Variants in CEP83 observed in about 807,000 individuals in gnomAD.
The protein encoded by CEP83 is centrosomal protein 83.
Under a neutral mutation model 101.9 loss-of-function variants are expected in CEP83, and 70 were observed. The ratio of observed to expected loss-of-function variants is 0.69; its 90% CI spans 0.57 to 0.84. The LOEUF (loss-of-function observed/expected upper bound fraction) is 0.84, where lower values mean the gene tolerates loss of function less well. CEP83 is among the 40% of genes least tolerant of loss of function. The pLI is 0.00. For synonymous variants in CEP83, 264 were observed against 267.9 expected (o/e 0.99, Z 0.14); for missense variants, 715 against 787.2 (o/e 0.91, Z 1.10).
chr12:94,437,359 A>C (rs940571110), intron 1 of CEP83, among the ~76,000 whole-genome samples: 30 of 152,162 alleles, frequency 2.0e-4, no homozygotes, highest in African/African-American at 6.5e-4. Context: ...ACATACACAC[A>C]CACAAACAAA....
chr12:94,305,550 C>A (rs1968917322), downstream of CEP83: 1 of 383,984 alleles, frequency 2.6e-6, no homozygotes, highest in Non-Finnish European at 4.7e-6. Flanking sequence ...GAATACAAGG[C>A]CAGTAAGCGA....
At chr12:94,331,925 AC>A in intron 13 of CEP83, 96 bp from the exon 14 acceptor site, 1 of 1,125,878 alleles carries the variant, frequency 8.9e-7, no homozygotes, top group Non-Finnish European at 1.3e-6. Flanking sequence ...TACCTGTCTG[AC>A]CACATTCTTA....
chr12:94,440,910 A>C (rs2066353025), intron 1 of CEP83, among the ~76,000 whole-genome samples: 1 of 152,182 alleles, frequency 6.6e-6, no homozygotes, highest in African/African-American at 2.4e-5. Flanking sequence ...TGACAAAGCA[A>C]ACAAAAACAT....
intron 2 of CEP83, among the ~76,000 whole-genome samples, chr12:94,413,825 TACACAC>T (rs56372938): frequency 0.034 from 4,706 of 140,444 alleles, 74 homozygotes; most frequent in East Asian, 0.076. Flanking sequence ...CCATAATACA[TACACAC>T]ACACACACAC....
At chr12:94,384,093 T>A (rs1393543721) in intron 6 of CEP83, among the ~76,000 whole-genome samples, 2 of 152,132 alleles carry the variant, frequency 1.3e-5, no homozygotes, top group Non-Finnish European at 2.9e-5. Flanking sequence ...TTTTTACTGT[T>A]TTCTTCCTAT....
At chr12:94,310,215 TATATA>T (rs1209412204) in intron 15 of CEP83, 108 bp from the exon 16 acceptor site, 2 of 392,384 alleles carry the variant, frequency 5.1e-6, no homozygotes, top group African/African-American at 4.1e-5. Context: ...ATGAGATCTA[TATATA>T]ATATATAGAT....
At chr12:94,373,739 A>T (rs976097188) in intron 8 of CEP83, among the ~76,000 whole-genome samples, 1 of 152,218 alleles carries the variant, frequency 6.6e-6, no homozygotes, top group African/African-American at 2.4e-5. Flanking sequence ...ACACTGACAT[A>T]ACTTTGTTCT....
At chr12:94,351,790 C>T (rs890780903) in intron 11 of CEP83, among the ~76,000 whole-genome samples, 1 of 152,214 alleles carries the variant, frequency 6.6e-6, no homozygotes, top group East Asian at 1.9e-4. Flanking sequence ...CACCCCACAA[C>T]TGGCAAAGCC....
At position 94,407,387 on chromosome 12, in the gene CEP83, G is replaced by A. The variant is rs553136027; in HGVS notation, c.325-4125C>T. 3.9e-5 allele frequency among the ~76,000 whole-genome samples: 6 copies of A among 152,244 alleles called. No homozygotes were observed. The East Asian group carries it at 5.8e-4, about 15-fold the overall frequency. On this transcript the variant is annotated intron_variant, in intron 4 of 16. Coordinates refer to ENST00000397809, the MANE Select transcript of CEP83 (RefSeq NM_016122.3). ...CAGCAGCCAAAAAACCAGACAAAGT[G>A]CACTGCAAAGAACAAAGATAACCTG...
intron 4 of CEP83, among the ~76,000 whole-genome samples, chr12:94,410,982 T>A (rs1167053666): frequency 6.6e-6 from 1 of 152,178 alleles, no homozygotes; most frequent in Non-Finnish European, 1.5e-5. Flanking sequence ...AACTTCTGAC[T>A]CTAATATTAA....
At position 94,380,386 on chromosome 12, in the gene CEP83, G is replaced by A. The variant is rs2061780942; in HGVS notation, c.550-1344C>T. 2.0e-5 allele frequency among the ~76,000 whole-genome samples: 3 copies of A among 152,154 alleles called. No homozygotes were observed. In the South Asian group the frequency reaches 6.2e-4, roughly 32 times the overall value. On this transcript the variant is annotated intron_variant, in intron 6 of 16. Transcript: ENST00000397809. ...CAGCAGACAAATATTATTTTGCAGA[G>A]AATAAAATTTATCCTTGAAGGCAGC... is the stretch of plus-strand genomic sequence containing the variant.
At chr12:94,389,274 T>G (rs1227689904) in intron 6 of CEP83, among the ~76,000 whole-genome samples, 2 of 152,236 alleles carry the variant, frequency 1.3e-5, no homozygotes, top group Non-Finnish European at 2.9e-5. Context: ...AATTCTGATT[T>G]ACAAATCTGA....
intron 11 of CEP83, chr12:94,361,209 A>T (rs138228834): frequency 6.6e-6 from 1 of 152,184 alleles, no homozygotes; most frequent in African/African-American, 2.4e-5. Flanking sequence ...CCTCAATAAC[A>T]CAGGCAACAA....
chr12:94,294,556 T>C, the CEP83 span: 2 of 1,105,104 alleles, frequency 1.8e-6, no homozygotes, highest in East Asian at 2.5e-5. Context: ...CAATATAATA[T>C]TGTTAACCTT....
At chr12:94,281,556 A>C in the CEP83 span, among the ~76,000 whole-genome samples, 7 of 151,784 alleles carry the variant, frequency 4.6e-5, no homozygotes, top group African/African-American at 1.7e-4. Context: ...AAGAAATCAG[A>C]TATCCAGTTT....
At chr12:94,297,348 G>T in the CEP83 span, 1 of 1,614,054 alleles carries the variant, frequency 6.2e-7, no homozygotes, top group South Asian at 1.1e-5. Context: ...TCCAAGATGT[G>T]CAAGGAAAGA....
chr12:94,303,732 CTTTT>C (rs201354613), downstream of CEP83: 2,044 of 836,444 alleles, frequency 2.4e-3, no homozygotes, highest in African/African-American at 9.7e-3. Context: ...GTGATGGTTG[CTTTT>C]TTTTTTTTTT....
chr12:94,379,698 T>C (rs2061732850), intron 6 of CEP83, among the ~76,000 whole-genome samples: 1 of 152,138 alleles, frequency 6.6e-6, no homozygotes, highest in African/African-American at 2.4e-5. Flanking sequence ...ATGCCAATTA[T>C]CACTGCTGGA....
chr12:94,423,457 C>CTTTTTTT (rs763433431), intron 2 of CEP83, among the ~76,000 whole-genome samples: 7,964 of 119,790 alleles, frequency 0.066, 329 homozygotes, highest in Non-Finnish European at 0.081. Context: ...TCTGGTTCAA[C>CTTTTTTT]TTTTTTTTTT....
Sources: allele counts gnomAD v4.1 joint callset (sites outside exome capture counted in the v4.1 genomes callset), GRCh38; gene constraint gnomAD v4.1.1; transcripts MANE v1.5; gene names NCBI Gene and HGNC (gene_info 2026-07-23, HGNC 2026-07-21).